Variants in RALGAPA2 observed in about 807,000 individuals in gnomAD.
RALGAPA2 encodes ral GTPase-activating protein subunit alpha-2.
In RALGAPA2, 139 loss-of-function variants were observed where a neutral mutation model predicts 230.4. The observed-to-expected ratio is 0.60, with a 90% CI of 0.53 to 0.69. The LOEUF is 0.69. Among genes scored for constraint, RALGAPA2 ranks in the 30% least tolerant of loss-of-function variants. The probability of loss-of-function intolerance (pLI) is 0.00; values close to 1 mark genes in which losing one functional copy is unlikely to be tolerated. For missense variants in RALGAPA2, 2,163 were observed against 2,276.0 expected (o/e 0.95, Z 1.01); for synonymous variants, 847 against 837.8 (o/e 1.01, Z -0.19).
At chr20:20,648,997 C>A (rs888916278) in intron 4 of RALGAPA2, among the ~76,000 whole-genome samples, 1 of 152,090 alleles carries the variant, frequency 6.6e-6, no homozygotes, top group Non-Finnish European at 1.5e-5. Flanking sequence ...GAGGACCCCC[C>A]CAGAGGGCAA....
At chr20:20,586,788 G>GA (rs2065146067) in intron 18 of RALGAPA2, among the ~76,000 whole-genome samples, 1 of 152,046 alleles carries the variant, frequency 6.6e-6, no homozygotes, top group Non-Finnish European at 1.5e-5. Flanking sequence ...AATTATCCAG[G>GA]AAACACCAAG....
rs372557790 is a variant in RALGAPA2, at chr20:20,412,034, G to A, written c.5610C>T (p.Ser1870=). 2.3e-5 allele frequency: 37 copies of A among 1,613,824 alleles called. No individual in the cohort carries two copies. The highest frequency in any genetic ancestry group is 1.6e-4 in the Middle Eastern group (1 of 6,084). Reference sequence around the variant, plus strand: ...AATAATGTAGACACTCACCCGTTCCGCTGAGGGAGTAGCTGGGAGAGGGAG... The same window carrying A: ...AATAATGTAGACACTCACCCGTTCCACTGAGGGAGTAGCTGGGAGAGGGAG... ...VFSPSPSYSL[S]GTD is the part of the protein sequence containing the mutation. The change falls in exon 38 of 40, where the codon AGC becomes AGT. Residue 1870 remains serine (S), a synonymous_variant. Coordinates refer to ENST00000202677, the MANE Select transcript of RALGAPA2 (RefSeq NM_020343.4).
chr20:20,618,045 T>C (rs1319266916), intron 12 of RALGAPA2, among the ~76,000 whole-genome samples: 1 of 152,178 alleles, frequency 6.6e-6, no homozygotes, highest in Non-Finnish European at 1.5e-5. Flanking sequence ...CTCATGAACA[T>C]TATGATGAAA....
intron 1 of RALGAPA2, among the ~76,000 whole-genome samples, chr20:20,681,141 T>C (rs2068505718): frequency 6.6e-6 from 1 of 152,036 alleles, no homozygotes; most frequent in Non-Finnish European, 1.5e-5. Context: ...GATGAGGAAG[T>C]AGAGGTTCAT....
At chr20:20,484,218 C>T (rs935778180) in intron 36 of RALGAPA2, among the ~76,000 whole-genome samples, 2 of 152,204 alleles carry the variant, frequency 1.3e-5, no homozygotes, top group African/African-American at 4.8e-5. Flanking sequence ...ATAGTAGTCA[C>T]ATTATTTACC....
intron 23 of RALGAPA2, among the ~76,000 whole-genome samples, chr20:20,551,995 C>A (rs895579746): frequency 2.6e-5 from 4 of 152,106 alleles, no homozygotes; most frequent in Non-Finnish European, 5.9e-5. Flanking sequence ...CATTTCAATT[C>A]AAAATATTGC....
intron 13 of RALGAPA2, among the ~76,000 whole-genome samples, chr20:20,613,939 G>A (rs2066054811): frequency 6.6e-6 from 1 of 152,164 alleles, no homozygotes; most frequent in Admixed American, 6.5e-5. Flanking sequence ...CTCTGAAATT[G>A]TTTTCTAGGT....
rs200411088 is a variant in RALGAPA2 at position 20,648,583 on chromosome 20, T to C, written c.328+4947A>G. Among the ~76,000 whole-genome samples, 8 of 152,036 alleles carry C rather than the reference T, an allele frequency of 5.3e-5. No individual in the cohort carries two copies. In the East Asian group the frequency reaches 7.7e-4, roughly 15 times the overall value. On this transcript the variant is annotated intron_variant, in intron 4 of 39. Coordinates refer to ENST00000202677, the MANE Select transcript of RALGAPA2 (RefSeq NM_020343.4). ...AAAAGATCAGGCGACCTGGAAGTGA[T>C]TGGGTCAAAGATCAGGAGAATGGAG...
Position 20,512,780 on chromosome 20 carries a change from G to A in RALGAPA2, c.4589C>T (p.Thr1530Ile), listed in dbSNP as rs758659819. 4.9e-5 allele frequency: 79 copies of A among 1,613,716 alleles called. No individual in the cohort carries two copies. Among genetic ancestry groups the A allele is most frequent in the Admixed American group, 1.5e-4 (9 of 60,006 alleles). ...LDKLLENIGH[T>I]SPECLLPSQL... is the part of the protein sequence containing the mutation. ...TGACGGTAAAAGGCATTCAGGACTT[G>A]TATGGCCAATGTTTTCAAGTAATTT... The change falls in exon 32 of 40, where the codon ACA (threonine) becomes ATA (isoleucine). Residue 1530 changes from threonine (T) to isoleucine (I), a missense_variant. Transcript: ENST00000202677.
intron 13 of RALGAPA2, among the ~76,000 whole-genome samples, chr20:20,613,162 A>G (rs954543908): frequency 6.6e-5 from 10 of 152,222 alleles, no homozygotes; most frequent in African/African-American, 2.4e-4. Context: ...CAACCTGCCA[A>G]AGCTGCCAGT....
intron 1 of RALGAPA2, among the ~76,000 whole-genome samples, chr20:20,707,208 A>G (rs1230963030): frequency 6.6e-6 from 1 of 152,252 alleles, no homozygotes; most frequent in Non-Finnish European, 1.5e-5. Flanking sequence ...TAGTCAGACT[A>G]CAGTGAAAAT....
chr20:20,501,971 G>C (rs577660395), intron 35 of RALGAPA2, among the ~76,000 whole-genome samples: 2 of 152,242 alleles, frequency 1.3e-5, no homozygotes, highest in Admixed American at 6.5e-5. Context: ...CATCTTATAA[G>C]GGCAGTTTGT....
intron 3 of RALGAPA2, among the ~76,000 whole-genome samples, chr20:20,667,463 G>T (rs2067992998): frequency 6.6e-6 from 1 of 152,180 alleles, no homozygotes; most frequent in Admixed American, 6.5e-5. Flanking sequence ...ACACCAAACT[G>T]CAGAGAAGGA....
chr20:20,620,305 T>A (rs2273218), intron 11 of RALGAPA2, among the ~76,000 whole-genome samples, 158 bp downstream of exon 11: 9,815 of 152,196 alleles, frequency 0.064, 405 homozygotes, highest in East Asian at 0.16. Flanking sequence ...GCTACTCTCC[T>A]TGGTAGATCC....
At position 20,632,832 on chromosome 20, in the gene RALGAPA2, T is replaced by C. The variant is rs148438136; in HGVS notation, c.1005+2586A>G. On this transcript the variant is annotated intron_variant, in intron 9 of 39. Transcript: ENST00000202677. ...TTTTTCAGTGGGGTTGTTTGTCTTCTTACCAGTCCATGGGTACTCTTTACA... is the reference window on the plus strand; with the variant it reads ...TTTTTCAGTGGGGTTGTTTGTCTTCCTACCAGTCCATGGGTACTCTTTACA... 1.0e-3 allele frequency among the ~76,000 whole-genome samples: 153 copies of C among 152,322 alleles called. 1 individual carries two copies. The highest frequency in any genetic ancestry group is 3.4e-3 in the African/African-American group (142 of 41,566).
At chr20:20,504,302 A>C (rs2062464025) in intron 34 of RALGAPA2, among the ~76,000 whole-genome samples, 1 of 152,190 alleles carries the variant, frequency 6.6e-6, no homozygotes, top group Non-Finnish European at 1.5e-5. Context: ...ACTCAAACCT[A>C]CTTGCCTTCT....
At chr20:20,605,538 G>T in intron 14 of RALGAPA2, 126 bp from the exon 15 acceptor site, 1 of 773,640 alleles carries the variant, frequency 1.3e-6, no homozygotes, top group Non-Finnish European at 2.0e-6. Context: ...TTTGGAAGTT[G>T]TTTTTCTTTT....
chr20:20,616,652 A>G (rs1273382653), intron 12 of RALGAPA2, among the ~76,000 whole-genome samples: 1 of 152,224 alleles, frequency 6.6e-6, no homozygotes. Flanking sequence ...CTCCCAGCAC[A>G]TGAACTCCTT....
chr20:20,454,680 T>C (rs1266944206), intron 37 of RALGAPA2, among the ~76,000 whole-genome samples: 2 of 152,180 alleles, frequency 1.3e-5, no homozygotes, highest in African/African-American at 4.8e-5. Context: ...GGAAGCTCCT[T>C]TGGCCTCAGT....
Sources: allele counts gnomAD v4.1 joint callset (sites outside exome capture counted in the v4.1 genomes callset), GRCh38; gene constraint gnomAD v4.1.1; transcripts MANE v1.5; gene names NCBI Gene and HGNC (gene_info 2026-07-23, HGNC 2026-07-21).